The following ADCY1 variants were observed in gnomAD, a reference collection of about 807,000 sequenced individuals.
ADCY1 encodes adenylate cyclase type 1.
Under a neutral mutation model 105.4 loss-of-function variants are expected in ADCY1, and 28 were observed. The observed-to-expected ratio is 0.27, with a 90% confidence interval of 0.20 to 0.36. The LOEUF (loss-of-function observed/expected upper bound fraction) is 0.36. Among genes scored for constraint, ADCY1 ranks in the 10% least tolerant of loss-of-function variants. The probability of loss-of-function intolerance (pLI) is 1.00; values close to 1 mark genes in which losing one functional copy is unlikely to be tolerated. For synonymous variants in ADCY1, 655 were observed against 623.8 expected (o/e 1.05, Z -0.75); for missense variants, 977 against 1,434.2 (o/e 0.68, Z 5.15).
At chr7:45,713,118 G>C (rs901879174) in intron 19 of ADCY1, among the ~76,000 whole-genome samples, 2 of 152,152 alleles carry the variant, frequency 1.3e-5, no homozygotes, top group African/African-American at 4.8e-5. Flanking sequence ...TTCCAGCTGA[G>C]GGGGGTACCT....
At position 45,720,370 on chromosome 7, in the gene ADCY1, G is replaced by A. The variant is rs1321623859; in HGVS notation, c.*6375G>A. 6.6e-6 allele frequency: 1 copy of A among 152,058 alleles called. No homozygotes were observed. 9.4% of individuals were successfully genotyped at this position (152,058 alleles called of 1,614,324 possible). On this transcript the variant is annotated 3_prime_UTR_variant, in exon 20 of 20. Coordinates refer to ENST00000297323, the MANE Select transcript of ADCY1 (RefSeq NM_021116.4). Reference sequence around the variant, plus strand: ...TACTAAAAATACAAAAAAAAAATTAGCTGGGCGTGTTGGCGGGAGCCTGTA... The same window carrying A: ...TACTAAAAATACAAAAAAAAAATTAACTGGGCGTGTTGGCGGGAGCCTGTA...
chr7:45,674,152 G>A (rs1441081787), intron 8 of ADCY1, among the ~76,000 whole-genome samples: 2 of 151,304 alleles, frequency 1.3e-5, no homozygotes, highest in African/African-American at 4.9e-5. Context: ...TAATGTGTAT[G>A]ATTTCAGTTA....
At chr7:45,680,855 C>G (rs1562721080) in intron 11 of ADCY1, among the ~76,000 whole-genome samples, 1 of 152,214 alleles carries the variant, frequency 6.6e-6, no homozygotes, top group Non-Finnish European at 1.5e-5. Context: ...TAGCATTAGA[C>G]ATGCAGAAAG....
intron 12 of ADCY1, among the ~76,000 whole-genome samples, chr7:45,685,619 T>G (rs1784656112): frequency 7.8e-6 from 1 of 127,648 alleles, no homozygotes; most frequent in Non-Finnish European, 1.6e-5. Context: ...GGTGCATGAT[T>G]AACAGGACAG....
chr7:45,694,174 AAC>A (rs1784837883), intron 14 of ADCY1, among the ~76,000 whole-genome samples: 1 of 152,042 alleles, frequency 6.6e-6, no homozygotes, highest in African/African-American at 2.4e-5. Flanking sequence ...ACATTTATAA[AAC>A]ACACTATCCA....
intron 3 of ADCY1, 134 bp downstream of exon 3, chr7:45,610,631 G>A (rs529409952): frequency 7.9e-6 from 6 of 756,520 alleles, no homozygotes; most frequent in East Asian, 7.9e-5. Flanking sequence ...GGGTGTGGAG[G>A]TAATGGTGAA....
intron 16 of ADCY1, 31 bp from the exon 17 acceptor site, chr7:45,704,487 C>A (rs1420215704): frequency 6.3e-7 from 1 of 1,592,246 alleles, no homozygotes; most frequent in East Asian, 2.2e-5. Flanking sequence ...AATGTTATGT[C>A]ATGTTTAACA....
At chr7:45,619,998 A>G (rs932703051) in intron 3 of ADCY1, among the ~76,000 whole-genome samples, 1 of 152,218 alleles carries the variant, frequency 6.6e-6, no homozygotes, top group Non-Finnish European at 1.5e-5. Flanking sequence ...TTTTATGTCA[A>G]TGGTATCTCA....
chr7:45,625,488 C>T (rs751091149), intron 4 of ADCY1, among the ~76,000 whole-genome samples: 3 of 151,550 alleles, frequency 2.0e-5, no homozygotes, highest in South Asian at 2.1e-4. Context: ...CATGTGCACA[C>T]GTGTGTACAC....
intron 1 of ADCY1, among the ~76,000 whole-genome samples, chr7:45,579,594 C>T (rs1206351902): frequency 6.6e-6 from 1 of 152,216 alleles, no homozygotes; most frequent in African/African-American, 2.4e-5. Flanking sequence ...GGTGGAGCCA[C>T]TGCCTACAGC....
rs1170644976 is a variant in ADCY1 at position 45,719,039 on chromosome 7, G to A, written c.*5044G>A. 6.5e-6 allele frequency: 1 copy of A among 152,882 alleles called. No homozygotes were observed. Among genetic ancestry groups the A allele is most frequent in the Non-Finnish European group, 1.5e-5 (1 of 68,190 alleles). 9.5% of individuals were successfully genotyped at this position (152,882 alleles called of 1,614,324 possible). A position where few individuals can be genotyped will look rare whatever the true frequency, so the allele number is the denominator to read the frequency against. On this transcript the variant is annotated 3_prime_UTR_variant, in exon 20 of 20. Transcript: ENST00000297323. ...TGTGATTCTGTGTGAACTGACAGCA[G>A]GGAGCTGAAGGACAGGCCCCGGCCT...
chr7:45,591,749 G>A lies in ADCY1; in HGVS notation c.640-1010G>A, dbSNP rs2139896. ...GTCTGCAAGACGTAGAGACAGATCA[G>A]ATGAGGAGACCGGCAGCAGGCAGTG... On this transcript the variant is annotated intron_variant, in intron 1 of 19. Coordinates refer to ENST00000297323, the MANE Select transcript of ADCY1 (RefSeq NM_021116.4). The surrounding 1 kb of genome is among the most constrained non-coding windows in gnomAD (Gnocchi z 4.1). 0.018 allele frequency among the ~76,000 whole-genome samples: 2,777 copies of A among 152,350 alleles called. 92 individuals are homozygous for A. The highest frequency in any genetic ancestry group is 0.063 in the African/African-American group (2,628 of 41,584).
chr7:45,689,348 A>G (rs1446702776), intron 14 of ADCY1, among the ~76,000 whole-genome samples: 3 of 152,160 alleles, frequency 2.0e-5, no homozygotes, highest in African/African-American at 7.2e-5. Flanking sequence ...ATTTATAAAG[A>G]AAAGAGGTTT....
chr7:45,659,575 A>C (rs1795035863), intron 6 of ADCY1, among the ~76,000 whole-genome samples: 1 of 151,838 alleles, frequency 6.6e-6, no homozygotes, highest in Non-Finnish European at 1.5e-5. Flanking sequence ...TTCCCACCCC[A>C]CCTCATGTGT....
At chr7:45,578,689 C>A (rs138278818) in intron 1 of ADCY1, among the ~76,000 whole-genome samples, 1 of 152,338 alleles carries the variant, frequency 6.6e-6, no homozygotes, top group African/African-American at 2.4e-5. Context: ...GGCCCCAGTC[C>A]TTCCCACAGG....
At chr7:45,668,266 TG>T (rs1439539366) in intron 8 of ADCY1, among the ~76,000 whole-genome samples, 1 of 152,252 alleles carries the variant, frequency 6.6e-6, no homozygotes, top group Non-Finnish European at 1.5e-5. Context: ...GCTGTGGGTT[TG>T]TCATAAATAG....
intron 3 of ADCY1, among the ~76,000 whole-genome samples, chr7:45,621,090 G>A (rs564365080): frequency 3.2e-4 from 49 of 151,786 alleles, no homozygotes; most frequent in Middle Eastern, 3.4e-3. Context: ...TTTTTGAGAC[G>A]GGGTTCCACT....
chr7:45,639,589 G>A (rs1794485749), intron 4 of ADCY1, among the ~76,000 whole-genome samples: 1 of 152,238 alleles, frequency 6.6e-6, no homozygotes, highest in African/African-American at 2.4e-5. Flanking sequence ...TCCTCAAGTG[G>A]ATGGGAGCAC....
At chr7:45,673,066 T>A (rs1389200448) in intron 8 of ADCY1, among the ~76,000 whole-genome samples, 1 of 152,202 alleles carries the variant, frequency 6.6e-6, no homozygotes, top group Non-Finnish European at 1.5e-5. Flanking sequence ...TTGACTTTCC[T>A]CTTTAACCAG....
Sources: allele counts gnomAD v4.1 joint callset (sites outside exome capture counted in the v4.1 genomes callset), GRCh38; gene constraint gnomAD v4.1.1; non-coding constraint Gnocchi (gnomAD v3.1); transcripts MANE v1.5; gene names NCBI Gene and HGNC (gene_info 2026-07-23, HGNC 2026-07-21).